The following SEMA3A variants were observed in gnomAD, a reference collection of about 807,000 sequenced individuals.
SEMA3A encodes the protein semaphorin 3A.
Under a neutral mutation model 97.9 loss-of-function variants are expected in SEMA3A, and 29 were observed. The ratio of observed to expected loss-of-function variants is 0.30; its 90% CI spans 0.22 to 0.40. The LOEUF (loss-of-function observed/expected upper bound fraction) is 0.40, where lower values mean the gene tolerates loss of function less well. SEMA3A is among the 10% of genes least tolerant of loss of function. SEMA3A has a pLI of 1.00. For missense variants in SEMA3A, 763 were observed against 951.3 expected (o/e 0.80, Z 2.60); for synonymous variants, 321 against 323.7 (o/e 0.99, Z 0.09).
intron 1 of SEMA3A, among the ~76,000 whole-genome samples, chr7:84,401,641 G>A (rs189243823): frequency 1.3e-5 from 2 of 152,074 alleles, no homozygotes; most frequent in Non-Finnish European, 2.9e-5. Context: ...AAACAGCATG[G>A]TACCAGCATA....
intron 1 of SEMA3A, among the ~76,000 whole-genome samples, chr7:84,378,621 T>C (rs1803171184): frequency 6.6e-6 from 1 of 152,084 alleles, no homozygotes; most frequent in South Asian, 2.1e-4. Context: ...GATGGGCTGA[T>C]GGGTGCAGCA....
intron 1 of SEMA3A, among the ~76,000 whole-genome samples, chr7:84,451,510 C>A (rs1015626238): frequency 6.6e-6 from 1 of 152,146 alleles, no homozygotes; most frequent in Non-Finnish European, 1.5e-5. Context: ...ATTTTGATTA[C>A]TCTTACCTAT....
intron 5 of SEMA3A, 94 bp downstream of exon 5, chr7:84,060,371 T>C: frequency 1.3e-6 from 1 of 790,774 alleles, no homozygotes; most frequent in South Asian, 1.8e-5. Context: ...CAATTATTAT[T>C]TCATAATGGA....
chr7:84,315,437 G>T (rs1801472791), intron 2 of SEMA3A, among the ~76,000 whole-genome samples: 1 of 151,974 alleles, frequency 6.6e-6, no homozygotes, highest in African/African-American at 2.4e-5. Flanking sequence ...AAAATAGCAG[G>T]TATGATTATT....
chr7:84,081,454 G>T (rs922450072), intron 4 of SEMA3A, among the ~76,000 whole-genome samples: 23 of 151,962 alleles, frequency 1.5e-4, no homozygotes, highest in African/African-American at 5.6e-4. Flanking sequence ...TTATCTGGGC[G>T]TGTTGGTGGG....
At chr7:84,044,938 C>CT (rs1164220730) in intron 6 of SEMA3A, among the ~76,000 whole-genome samples, 1 of 152,036 alleles carries the variant, frequency 6.6e-6, no homozygotes, top group Non-Finnish European at 1.5e-5. Flanking sequence ...GGGAGCATGC[C>CT]TTTGTCACTA....
chr7:84,411,053 T>C (rs2116249691), intron 1 of SEMA3A, among the ~76,000 whole-genome samples: 1 of 152,206 alleles, frequency 6.6e-6, no homozygotes, highest in East Asian at 1.9e-4. Flanking sequence ...CAGATGTTTA[T>C]ATTGTCTGTG....
At chr7:84,218,887 T>C (rs920074997) in intron 3 of SEMA3A, among the ~76,000 whole-genome samples, 2 of 152,148 alleles carry the variant, frequency 1.3e-5, no homozygotes, top group Non-Finnish European at 2.9e-5. Flanking sequence ...AAATCATGCC[T>C]AACTGTCTTT....
chr7:84,192,529 A>G (rs1018461102), intron 1 of SEMA3A, among the ~76,000 whole-genome samples: 8 of 151,976 alleles, frequency 5.3e-5, no homozygotes, highest in Non-Finnish European at 8.8e-5. Context: ...GCTTATAAAG[A>G]CAATATCAAA....
chr7:83,965,650 ATATATATATATATATATTTTTTTTTTTTT>A (rs1562943502), intron 15 of SEMA3A, among the ~76,000 whole-genome samples: 3 of 9,986 alleles, frequency 3.0e-4, no homozygotes, highest in Non-Finnish European at 6.0e-4. Flanking sequence ...ATATATATAT[ATATATATATATATATATTTTTTTTTTTTT>A]TTTTTTTTTT....
At chr7:84,103,363 T>C (rs948097344) in intron 4 of SEMA3A, among the ~76,000 whole-genome samples, 1 of 152,070 alleles carries the variant, frequency 6.6e-6, no homozygotes, top group African/African-American at 2.4e-5. Flanking sequence ...ATTTAAATAA[T>C]CATAAGCTTC....
intron 1 of SEMA3A, among the ~76,000 whole-genome samples, chr7:84,139,842 A>G (rs553901947): frequency 8.5e-5 from 13 of 152,182 alleles, no homozygotes; most frequent in Non-Finnish European, 1.6e-4. Context: ...ATTATAATTG[A>G]TCTCTAATAT....
At chr7:84,073,703 G>A (rs17158583) in intron 4 of SEMA3A, among the ~76,000 whole-genome samples, 9,005 of 152,012 alleles carry the variant, frequency 0.059, 333 homozygotes, top group East Asian at 0.19. Flanking sequence ...GGGAAGGGAA[G>A]AATTAGGTCT....
At chr7:84,349,823 C>A (rs1802391894) in intron 2 of SEMA3A, among the ~76,000 whole-genome samples, 1 of 151,968 alleles carries the variant, frequency 6.6e-6, no homozygotes. Flanking sequence ...TCCACTTTTT[C>A]AGTATAATCT....
intron 1 of SEMA3A, among the ~76,000 whole-genome samples, chr7:84,389,604 A>T (rs1206698609): frequency 6.6e-6 from 1 of 152,084 alleles, no homozygotes; most frequent in East Asian, 1.9e-4. Context: ...GATCCTAAAC[A>T]TACCTGCTAA....
chr7:84,466,157 G>T (rs1325962982), intron 1 of SEMA3A, among the ~76,000 whole-genome samples: 1 of 138,526 alleles, frequency 7.2e-6, no homozygotes, highest in Non-Finnish European at 1.5e-5. Context: ...GTTGTTGTTA[G>T]GTTTTTTGTT....
At chr7:84,143,352 T>C (rs1177965036) in intron 1 of SEMA3A, among the ~76,000 whole-genome samples, 1 of 152,142 alleles carries the variant, frequency 6.6e-6, no homozygotes, top group Non-Finnish European at 1.5e-5. Flanking sequence ...TATCAAATTA[T>C]TAAGGAAATA....
In SEMA3A at chr7:84,065,773, A is replaced by C. The variant is rs543488464; in HGVS notation, c.454-5215T>G. ...TAACAGGGTCTGAAATTGTGACAATAATCAATAGCTTACCAACCAAAAAGA... is the reference window on the plus strand; with the variant it reads ...TAACAGGGTCTGAAATTGTGACAATCATCAATAGCTTACCAACCAAAAAGA... On this transcript the variant is annotated intron_variant, in intron 4 of 16. Coordinates refer to ENST00000265362, the MANE Select transcript of SEMA3A (RefSeq NM_006080.3). Among the ~76,000 whole-genome samples, 19 of 152,250 alleles carry C rather than the reference A, an allele frequency of 1.2e-4. No individual in the cohort carries two copies. The East Asian group carries it at 3.7e-3, about 29-fold the overall frequency.
At chr7:84,135,339 G>A (rs1314659442) in intron 1 of SEMA3A, among the ~76,000 whole-genome samples, 4 of 151,960 alleles carry the variant, frequency 2.6e-5, no homozygotes, top group Non-Finnish European at 5.9e-5. Flanking sequence ...TCGAACTCCT[G>A]ACCTCAAGTG....
Sources: gnomAD v4.1 joint callset for allele counts (sites outside exome capture counted in the v4.1 genomes callset) on GRCh38, gnomAD v4.1.1 for gene constraint, MANE v1.5 for transcripts, NCBI Gene and HGNC (gene_info 2026-07-23, HGNC 2026-07-21) for gene names.